Variants in MADD observed in about 807,000 individuals in gnomAD.
MADD encodes the protein MAP kinase activating death domain.
MADD carries 109 observed loss-of-function variants against 176.7 expected under a neutral mutation model. The observed-to-expected ratio is 0.62, with a 90% CI of 0.53 to 0.72. The LOEUF is 0.72. Among genes scored for constraint, MADD ranks in the 30% least tolerant of loss-of-function variants. The pLI, the probability that MADD is intolerant of heterozygous loss-of-function variation, is 0.00. For synonymous variants in MADD, 771 were observed against 771.3 expected, an observed-to-expected ratio of 1.00 and a Z score of 0.01; for missense variants, 1,914 against 2,045.5, an observed-to-expected ratio of 0.94 and a Z score of 1.24.
chr11:47,329,052 G>T lies in MADD; in HGVS notation c.4666G>T (p.Glu1556Ter). The T allele has an allele frequency of 6.2e-7, 1 of 1,613,910 alleles. No homozygotes were observed. The highest frequency in any genetic ancestry group is 8.5e-7 in the Non-Finnish European group (1 of 1,179,788). Residue 1556 changes from glutamate to a stop codon, truncating the protein, a stop_gained, in exon 33 of 33, where the codon GAA becomes TAA. Transcript: ENST00000402192. LOFTEE classifies it high-confidence loss of function. ...CTGGTTTTCTCTCCTCTAGGCCCAC[G>T]AAATCTGCTACTCCGTATTATGTCT...
intron 19 of MADD, chr11:47,292,553 C>G (rs771906603): frequency 6.2e-7 from 1 of 1,613,900 alleles, no homozygotes; most frequent in Non-Finnish European, 8.5e-7. Context: ...AATTGTGGAA[C>G]AAGCACCAGG....
intron 1 of MADD, chr11:47,272,385 A>G (rs1965578333): frequency 6.6e-6 from 1 of 152,162 alleles, no homozygotes; most frequent in Non-Finnish European, 1.5e-5. Flanking sequence ...ACTTCTACTC[A>G]TTACCTAAAC....
chr11:47,324,911 T>G, intron 30 of MADD: 1 of 598,602 alleles, frequency 1.7e-6, no homozygotes, highest in Non-Finnish European at 3.0e-6. Flanking sequence ...CCTTCCTCTA[T>G]TCCCAGGATA....
rs1178369027 is a variant in MADD, at chr11:47,290,146, C to G, written c.2944-3C>G. ...AACGCTAGCCCCTGGGTTATTGTTG[C>G]AGGAGATCAGTCGGAAGGTGTACAA... On this transcript the variant is annotated splice_polypyrimidine_tract_variant and splice_region_variant and intron_variant, in intron 17 of 32. Coordinates refer to ENST00000402192, the Ensembl canonical transcript of MADD. 7.4e-6 allele frequency: 12 copies of G among 1,613,734 alleles called. No individual in the cohort carries two copies. In the Admixed American group the frequency reaches 2.0e-4, roughly 27 times the overall value.
chr11:47,270,877 T>G (rs1961846686), intron 1 of MADD: 1 of 152,266 alleles, frequency 6.6e-6, no homozygotes, highest in East Asian at 1.9e-4. Context: ...GCTTGCAAGG[T>G]CACTGCCTGG....
At chr11:47,291,015 C>T (rs1193936265) in intron 19 of MADD, among the ~76,000 whole-genome samples, 199 bp downstream of exon 20, 1 of 152,004 alleles carries the variant, frequency 6.6e-6, no homozygotes, top group Admixed American at 6.6e-5. Context: ...CCCCCCACCC[C>T]GTATCTTAGA....
At chr11:47,324,130 C>T in intron 28 of MADD, 135 bp from the exon 32 acceptor site, 1 of 741,400 alleles carries the variant, frequency 1.3e-6, no homozygotes, top group Non-Finnish European at 2.3e-6. Flanking sequence ...ATGAATAAGA[C>T]ATCCGAAAAA....
intron 22 of MADD, among the ~76,000 whole-genome samples, chr11:47,306,296 G>T (rs2082566598): frequency 6.6e-6 from 1 of 152,196 alleles, no homozygotes; most frequent in South Asian, 2.1e-4. Flanking sequence ...AGAGTGGTTT[G>T]TTGGTGGCTT....
Position 47,292,610 on chromosome 11 carries a change from G to A in MADD, c.3302-1273G>A. ...TGGAAAAACAGAGTAAGGAACAAAT[G>A]CCCTTTCCTGTTCCCAAGTCCTCCA... On this transcript the variant is annotated intron_variant, in intron 19 of 32. Transcript: ENST00000402192. 6.2e-7 allele frequency: 1 copy of A among 1,613,792 alleles called. No individual in the cohort carries two copies. Among genetic ancestry groups the A allele is most frequent in the Non-Finnish European group, 8.5e-7 (1 of 1,179,810 alleles).
chr11:47,292,674 C>T, intron 19 of MADD, 78 bp downstream of exon 21: 2 of 1,416,560 alleles, frequency 1.4e-6, no homozygotes. Flanking sequence ...GGCAGGCTCC[C>T]TTTGTCAGCC....
intron 27 of MADD, among the ~76,000 whole-genome samples, chr11:47,319,210 C>G (rs1474229740): frequency 6.7e-6 from 1 of 150,070 alleles, no homozygotes; most frequent in Non-Finnish European, 1.5e-5. Context: ...TGGCTCACTG[C>G]AACATCCACC....
At chr11:47,311,211 T>C (rs549725202) in intron 25 of MADD, among the ~76,000 whole-genome samples, 24 of 152,296 alleles carry the variant, frequency 1.6e-4, no homozygotes, top group African/African-American at 5.5e-4. Context: ...AAGGGATCAG[T>C]TGATCAAATG....
At chr11:47,285,816 A>G (rs1223465473) in intron 14 of MADD, among the ~76,000 whole-genome samples, 1 of 152,192 alleles carries the variant, frequency 6.6e-6, no homozygotes, top group East Asian at 1.9e-4. Context: ...TATTTCAGGT[A>G]AGACAGCTGG....
chr11:47,304,068 A>G (rs537183044), intron 22 of MADD, among the ~76,000 whole-genome samples: 3 of 152,114 alleles, frequency 2.0e-5, no homozygotes, highest in African/African-American at 7.2e-5. Flanking sequence ...AATAATATGA[A>G]TATTTGTTTA....
intron 27 of MADD, among the ~76,000 whole-genome samples, chr11:47,318,557 T>C (rs138800716): frequency 7.8e-4 from 119 of 152,306 alleles, no homozygotes; most frequent in Non-Finnish European, 1.3e-3. Context: ...AGCAGATTCC[T>C]TGAACTACTC....
chr11:47,270,003 C>G (rs972147397), upstream of MADD: 1 of 152,232 alleles, frequency 6.6e-6, no homozygotes, highest in Non-Finnish European at 1.5e-5. Context: ...CTGTGCGCAG[C>G]CGCTGTCTCC....
chr11:47,322,928 A>T (rs992441775), intron 27 of MADD, among the ~76,000 whole-genome samples: 1 of 152,088 alleles, frequency 6.6e-6, no homozygotes, highest in Non-Finnish European at 1.5e-5. Flanking sequence ...TTAAGTCCGT[A>T]GAGCACATAA....
chr11:47,320,973 T>A (rs188866414), intron 27 of MADD, among the ~76,000 whole-genome samples: 204 of 152,242 alleles, frequency 1.3e-3, no homozygotes, highest in Non-Finnish European at 1.0e-3. Flanking sequence ...TGAACATATA[T>A]TTTTGCACCC....
chr11:47,295,839 T>G, intron 21 of MADD, 58 bp from the exon 24 acceptor site: 1 of 1,562,178 alleles, frequency 6.4e-7, no homozygotes, highest in South Asian at 1.2e-5. Flanking sequence ...TCTAACAGCT[T>G]GGTATTTCTG....
Sources: allele counts gnomAD v4.1 joint callset (sites outside exome capture counted in the v4.1 genomes callset), GRCh38; gene constraint gnomAD v4.1.1; transcripts MANE v1.5; gene names NCBI Gene and HGNC (gene_info 2026-07-23, HGNC 2026-07-21).